Variants in CABLES1 observed in about 807,000 individuals in gnomAD.
The protein encoded by CABLES1 is Cdk5 and Abl enzyme substrate 1, also known as CDK5 and ABL1 enzyme substrate 1.
CABLES1 carries 36 observed loss-of-function variants against 57.8 expected under a neutral mutation model. That is an observed-to-expected ratio of 0.62 (90% CI 0.48 to 0.82). The LOEUF is 0.82. Among genes scored for constraint, CABLES1 ranks in the 40% least tolerant of loss-of-function variants. The probability of loss-of-function intolerance (pLI) is 0.00; values close to 1 mark genes in which losing one functional copy is unlikely to be tolerated. For missense variants in CABLES1, 767 were observed against 836.6 expected, an observed-to-expected ratio of 0.92 and a Z score of 1.03; for synonymous variants, 374 against 363.0, an observed-to-expected ratio of 1.03 and a Z score of -0.35.
intron 1 of CABLES1, among the ~76,000 whole-genome samples, chr18:23,185,159 G>A (rs1024772325): frequency 4.6e-5 from 7 of 152,296 alleles, no homozygotes; most frequent in Admixed American, 3.3e-4. Context: ...AGCCTTTCTC[G>A]TTTCTGGTGC....
At position 23,196,583 on chromosome 18, in the gene CABLES1, C is replaced by T. The variant is rs1568063356; in HGVS notation, c.1010+2043C>T. The stretch of plus-strand genomic sequence containing the variant: ...CGAGAGAGGAATGCAGAAGCTCTGC[C>T]CCACAGCATTTGGGCAGCAGGAGCA... On this transcript the variant is annotated intron_variant, in intron 3 of 9. Transcript: ENST00000256925. 3.3e-5 allele frequency among the ~76,000 whole-genome samples: 5 copies of T among 152,188 alleles called. No homozygotes were observed. In the South Asian group the frequency reaches 8.3e-4, roughly 25 times the overall value.
intron 1 of CABLES1, 46 bp downstream of exon 1, chr18:23,136,653 G>C (rs769464742): frequency 4.1e-6 from 5 of 1,225,198 alleles, no homozygotes; most frequent in Non-Finnish European, 5.3e-6. Flanking sequence ...CGTCCCGCCC[G>C]GCGCTCCCAG....
intron 2 of CABLES1, among the ~76,000 whole-genome samples, chr18:23,192,653 A>T (rs537215223): frequency 6.6e-6 from 1 of 152,306 alleles, no homozygotes; most frequent in South Asian, 2.1e-4. Context: ...TGGTATAAGG[A>T]TGCTTCTGAA....
intron 1 of CABLES1, among the ~76,000 whole-genome samples, chr18:23,155,138 G>A (rs185166725): frequency 9.2e-5 from 14 of 152,314 alleles, no homozygotes; most frequent in Admixed American, 9.2e-4. Context: ...TTATTAAGAA[G>A]TGCAATGTTC....
At chr18:23,162,688 G>A (rs916909646) in intron 1 of CABLES1, among the ~76,000 whole-genome samples, 1 of 152,174 alleles carries the variant, frequency 6.6e-6, no homozygotes, top group Non-Finnish European at 1.5e-5. Flanking sequence ...CTTGGAGGTG[G>A]TGTCTTAGGC....
At chr18:23,170,989 C>A (rs1432759151) in intron 1 of CABLES1, among the ~76,000 whole-genome samples, 1 of 152,148 alleles carries the variant, frequency 6.6e-6, no homozygotes, top group Non-Finnish European at 1.5e-5. Flanking sequence ...GTAGAGATAG[C>A]ATTTCACTGT....
intron 3 of CABLES1, among the ~76,000 whole-genome samples, chr18:23,211,756 C>A (rs934829591): frequency 6.6e-6 from 1 of 152,244 alleles, no homozygotes; most frequent in Non-Finnish European, 1.5e-5. Flanking sequence ...CGACGTGCCT[C>A]ATCAGTTAAA....
chr18:23,216,623 C>T (rs528582435), intron 4 of CABLES1, among the ~76,000 whole-genome samples: 139 of 152,322 alleles, frequency 9.1e-4, no homozygotes, highest in Non-Finnish European at 1.1e-3. Context: ...CTTCCATTGG[C>T]TCCTCTGTAG....
Position 23,214,030 on chromosome 18 carries a change from C to T in CABLES1, c.1064C>T (p.Pro355Leu), listed in dbSNP as rs1172447567. Residue 355 changes from proline to leucine, a missense_variant, in exon 4 of 10, where the codon CCG becomes CTG. Pro to Leu is a moderately conservative substitution (Grantham distance 98, BLOSUM62 -3). Around this residue, in one of 4 missense-constraint regions of CABLES1, gnomAD observed 529 missense variants for 622.8 expected, o/e 0.85. Transcript: ENST00000256925. ...TTCTGTAGTATATTTTCAGTGCTGC[C>T]GTATCGCGACAGTACCCAAGTCGGG... is the stretch of plus-strand genomic sequence containing the variant. ...RSFCSIFSVL[P>L]YRDSTQVGDL... is the part of the protein sequence containing the mutation. The T allele has an allele frequency of 4.3e-6, 7 of 1,612,708 alleles. No individual in the cohort carries two copies. Among genetic ancestry groups the T allele is most frequent in the Admixed American group, 1.7e-5 (1 of 59,816 alleles).
intron 1 of CABLES1, among the ~76,000 whole-genome samples, chr18:23,153,461 C>CT: frequency 6.6e-6 from 1 of 151,890 alleles, no homozygotes; most frequent in South Asian, 2.1e-4. Context: ...GGGCTGGGTG[C>CT]AGTGGCTCAT....
chr18:23,136,754 C>T, intron 1 of CABLES1, 147 bp downstream of exon 1: 1 of 493,576 alleles, frequency 2.0e-6, no homozygotes, highest in Non-Finnish European at 3.3e-6. Context: ...AATCCCAAAC[C>T]ACGAGGGCAC....
chr18:23,165,736 T>C lies in CABLES1; in HGVS notation c.846-23102T>C, dbSNP rs1053287950. ...CCCATTATCTGTATATGCAAAACTTTGCTTATTCGTTCATTCTTCGATGGA... is the reference window on the plus strand; with the variant it reads ...CCCATTATCTGTATATGCAAAACTTCGCTTATTCGTTCATTCTTCGATGGA... On this transcript the variant is annotated intron_variant, in intron 1 of 9. Coordinates refer to ENST00000256925, the MANE Select transcript of CABLES1 (RefSeq NM_001100619.3). 2.6e-5 allele frequency among the ~76,000 whole-genome samples: 4 copies of C among 152,354 alleles called. No individual in the cohort carries two copies. In the South Asian group the frequency reaches 8.3e-4, roughly 32 times the overall value.
chr18:23,158,134 A>C (rs1363311906), intron 1 of CABLES1, among the ~76,000 whole-genome samples: 4 of 151,462 alleles, frequency 2.6e-5, no homozygotes, highest in East Asian at 3.9e-4. Flanking sequence ...AAAAAAAAAA[A>C]AAAACAAACC....
chr18:23,164,338 G>A (rs575251138), intron 1 of CABLES1, among the ~76,000 whole-genome samples: 4 of 152,194 alleles, frequency 2.6e-5, no homozygotes, highest in Non-Finnish European at 4.4e-5. Context: ...GTGGGCCAGT[G>A]CCCATCATCA....
At chr18:23,186,201 A>C (rs1023813201) in intron 1 of CABLES1, among the ~76,000 whole-genome samples, 1 of 152,110 alleles carries the variant, frequency 6.6e-6, no homozygotes, top group Non-Finnish European at 1.5e-5. Context: ...GAGTTGGGAC[A>C]CTCAGCCTGC....
chr18:23,199,877 C>G (rs2047310856), intron 3 of CABLES1, among the ~76,000 whole-genome samples: 1 of 152,152 alleles, frequency 6.6e-6, no homozygotes, highest in Non-Finnish European at 1.5e-5. Flanking sequence ...AAATAAAACA[C>G]CAGTAATAGC....
At chr18:23,201,504 A>G (rs1363312655) in intron 3 of CABLES1, among the ~76,000 whole-genome samples, 2 of 152,234 alleles carry the variant, frequency 1.3e-5, no homozygotes, top group East Asian at 1.9e-4. Context: ...CGAAAGGTCA[A>G]ATGTCATATG....
At chr18:23,213,603 A>G (rs1031295148) in intron 3 of CABLES1, among the ~76,000 whole-genome samples, 3 of 152,230 alleles carry the variant, frequency 2.0e-5, no homozygotes, top group African/African-American at 7.2e-5. Flanking sequence ...ACTGCAAAAT[A>G]GAAATCAATG....
At chr18:23,239,886 G>A (rs2047692522) in intron 7 of CABLES1, among the ~76,000 whole-genome samples, 1 of 152,224 alleles carries the variant, frequency 6.6e-6, no homozygotes, top group Non-Finnish European at 1.5e-5. Flanking sequence ...GGGAGGCCAA[G>A]GCAGGTGGAT....
Sources: allele counts gnomAD v4.1 joint callset (sites outside exome capture counted in the v4.1 genomes callset), GRCh38; gene constraint gnomAD v4.1.1; regional missense constraint gnomAD v4.1.1; transcripts MANE v1.5; gene names NCBI Gene and HGNC (gene_info 2026-07-23, HGNC 2026-07-21).